Variants in EGLN1 observed in about 807,000 individuals in gnomAD.
EGLN1 encodes the protein egl nine homolog 1.
A neutral mutation model predicts 38.3 loss-of-function variants in EGLN1; 17 were observed. The ratio of observed to expected loss-of-function variants is 0.44; its 90% CI spans 0.30 to 0.67. The LOEUF is 0.67. Among genes scored for constraint, EGLN1 ranks in the 30% least tolerant of loss-of-function variants. EGLN1 has a pLI of 0.08. For synonymous variants in EGLN1, 283 were observed against 257.5 expected (o/e 1.10, Z -0.95); for missense variants, 477 against 603.3 (o/e 0.79, Z 2.19).
chr1:231,367,639 A>G lies in EGLN1; in HGVS notation c.1149-3T>C. On this transcript the variant is annotated splice_polypyrimidine_tract_variant and splice_region_variant and intron_variant, in intron 3 of 4. Coordinates refer to ENST00000366641, the MANE Select transcript of EGLN1 (RefSeq NM_022051.3). ...AATACCAAACAGTTATTGCGTACCT[A>G]AAAGAAAATTTAGAATAGGATAAGA... 12 of 1,613,436 alleles carry G rather than the reference A, an allele frequency of 7.4e-6. No homozygotes were observed. Among genetic ancestry groups the G allele is most frequent in the Non-Finnish European group, 1.0e-5 (12 of 1,179,590 alleles).
intron 1 of EGLN1, among the ~76,000 whole-genome samples, chr1:231,406,165 C>CAAAAAAAAA (rs5781651): frequency 3.6e-5 from 5 of 139,090 alleles, no homozygotes; most frequent in Non-Finnish European, 6.1e-5. Context: ...GACTCCGTCT[C>CAAAAAAAAA]AAAAAAAAAA....
intron 1 of EGLN1, among the ~76,000 whole-genome samples, chr1:231,395,542 C>G (rs1688501127): frequency 6.6e-6 from 1 of 152,192 alleles, no homozygotes; most frequent in Non-Finnish European, 1.5e-5. Flanking sequence ...GATTTTCAGG[C>G]AGTACTTGCT....
chr1:231,383,506 C>T (rs1373916447), intron 1 of EGLN1, among the ~76,000 whole-genome samples: 2 of 152,096 alleles, frequency 1.3e-5, no homozygotes, highest in African/African-American at 2.4e-5. Context: ...AAGTGACAAA[C>T]GTGCAGAATT....
chr1:231,401,113 C>A (rs897415430), intron 1 of EGLN1, among the ~76,000 whole-genome samples: 2 of 152,034 alleles, frequency 1.3e-5, no homozygotes, highest in African/African-American at 2.4e-5. Flanking sequence ...AAGTAGGAGA[C>A]CTGAAAATAA....
At chr1:231,378,377 C>T (rs1480749866) in intron 1 of EGLN1, among the ~76,000 whole-genome samples, 10 of 152,096 alleles carry the variant, frequency 6.6e-5, no homozygotes, top group Non-Finnish European at 2.9e-5. Flanking sequence ...AATTTCCCAT[C>T]GAGAAAAACC....
intron 1 of EGLN1, among the ~76,000 whole-genome samples, chr1:231,376,437 G>A (rs1248400307): frequency 3.9e-5 from 6 of 152,158 alleles, no homozygotes; most frequent in African/African-American, 1.4e-4. Flanking sequence ...GCTCCAAAGT[G>A]CAAGAGTAGC....
intron 1 of EGLN1, among the ~76,000 whole-genome samples, chr1:231,399,501 A>G (rs532672215): frequency 1.5e-4 from 23 of 152,292 alleles, no homozygotes; most frequent in Middle Eastern, 3.4e-3. Context: ...ACCAGCAAAG[A>G]AGGAATGGTT....
At chr1:231,399,582 G>T (rs1258514278) in intron 1 of EGLN1, among the ~76,000 whole-genome samples, 5 of 152,202 alleles carry the variant, frequency 3.3e-5, no homozygotes, top group African/African-American at 1.2e-4. Context: ...GCCAACAGGG[G>T]AGAGGCGAGT....
chr1:231,398,997 G>A (rs1688600363), intron 1 of EGLN1, among the ~76,000 whole-genome samples: 1 of 152,198 alleles, frequency 6.6e-6, no homozygotes, highest in African/African-American at 2.4e-5. Flanking sequence ...GGATTAGTCT[G>A]ATATTAAGTG....
At chr1:231,396,153 C>T (rs1688523418) in intron 1 of EGLN1, among the ~76,000 whole-genome samples, 1 of 151,960 alleles carries the variant, frequency 6.6e-6, no homozygotes, top group African/African-American at 2.4e-5. Flanking sequence ...CTCTAAAACA[C>T]CCCCGTCTTC....
chr1:231,408,073 T>C (rs1688840335), intron 1 of EGLN1, among the ~76,000 whole-genome samples: 1 of 152,134 alleles, frequency 6.6e-6, no homozygotes, highest in African/African-American at 2.4e-5. Flanking sequence ...GAAGACAGAA[T>C]AGTATAAAAC....
chr1:231,419,635 C>T (rs1025418782), intron 1 of EGLN1, among the ~76,000 whole-genome samples: 4 of 152,068 alleles, frequency 2.6e-5, no homozygotes, highest in African/African-American at 7.2e-5. Flanking sequence ...TTCATCAGAT[C>T]CCCCTTTTCC....
intron 1 of EGLN1, among the ~76,000 whole-genome samples, chr1:231,411,270 T>C (rs560430204): frequency 6.6e-6 from 1 of 152,300 alleles, no homozygotes; most frequent in Middle Eastern, 3.4e-3. Context: ...CCCGCCTCCT[T>C]CTGTCACGTA....
intron 1 of EGLN1, among the ~76,000 whole-genome samples, chr1:231,381,113 T>A (rs941169014): frequency 5.9e-5 from 9 of 152,054 alleles, no homozygotes; most frequent in African/African-American, 2.2e-4. Context: ...CACTACGTTG[T>A]TCAGGCTGGT....
At chr1:231,418,803 A>G (rs1388296576) in intron 1 of EGLN1, among the ~76,000 whole-genome samples, 2 of 151,152 alleles carry the variant, frequency 1.3e-5, no homozygotes, top group Admixed American at 1.3e-4. Flanking sequence ...TGGAAGCTGC[A>G]GTGGGCCATG....
intron 1 of EGLN1, among the ~76,000 whole-genome samples, chr1:231,417,641 A>G (rs1364756012): frequency 6.6e-6 from 1 of 152,216 alleles, no homozygotes; most frequent in Non-Finnish European, 1.5e-5. Context: ...AATCCCAAAA[A>G]GACCAGAGAA....
chr1:231,416,844 C>G (rs573742526), intron 1 of EGLN1, among the ~76,000 whole-genome samples: 1 of 152,294 alleles, frequency 6.6e-6, no homozygotes, highest in Admixed American at 6.5e-5. Flanking sequence ...TGCAGTTGTA[C>G]TATTTTCAGC....
chr1:231,417,348 T>C (rs1689112306), intron 1 of EGLN1, among the ~76,000 whole-genome samples: 1 of 152,210 alleles, frequency 6.6e-6, no homozygotes, highest in Admixed American at 6.5e-5. Flanking sequence ...TGGATTAAAT[T>C]CCAAAAATGT....
chr1:231,397,978 C>G (rs1688572931), intron 1 of EGLN1, among the ~76,000 whole-genome samples: 1 of 152,142 alleles, frequency 6.6e-6, no homozygotes, highest in Non-Finnish European at 1.5e-5. Flanking sequence ...CCCAAAGAAC[C>G]ACAGTATATA....
Sources: gnomAD v4.1 joint callset for allele counts (sites outside exome capture counted in the v4.1 genomes callset) on GRCh38, gnomAD v4.1.1 for gene constraint, MANE v1.5 for transcripts, NCBI Gene and HGNC (gene_info 2026-07-23, HGNC 2026-07-21) for gene names.